POU6F2: variants seen among roughly 807,000 people sequenced by gnomAD.
POU6F2 encodes the protein POU domain, class 6, transcription factor 2.
A neutral mutation model predicts 71.3 loss-of-function variants in POU6F2; 31 were observed. The ratio of observed to expected loss-of-function variants is 0.43; its 90% CI spans 0.33 to 0.59. The LOEUF is 0.59. Ranked by LOEUF, POU6F2 falls within the 20% of genes least tolerant of loss-of-function variation. The pLI is 0.04. For missense variants in POU6F2, 783 were observed against 856.8 expected (o/e 0.91, Z 1.07); for synonymous variants, 347 against 355.7 (o/e 0.98, Z 0.27).
chr7:39,044,203 C>T (rs113295474), intron 1 of POU6F2, among the ~76,000 whole-genome samples: 4 of 151,836 alleles, frequency 2.6e-5, no homozygotes, highest in African/African-American at 4.8e-5. Context: ...TTTTAAAGAA[C>T]GTATGGGGTC....
intron 4 of POU6F2, among the ~76,000 whole-genome samples, chr7:39,271,785 C>T (rs1196619216): frequency 6.6e-6 from 1 of 152,124 alleles, no homozygotes; most frequent in Non-Finnish European, 1.5e-5. Flanking sequence ...ATGAGACATC[C>T]AGGAGCCGTT....
chr7:39,112,546 A>G (rs572050655), intron 2 of POU6F2, among the ~76,000 whole-genome samples: 3 of 152,290 alleles, frequency 2.0e-5, no homozygotes, highest in African/African-American at 7.2e-5. Context: ...TGCTGTTTAA[A>G]CTGAGTTGCC....
chr7:39,271,994 G>A (rs2128757097), intron 4 of POU6F2, among the ~76,000 whole-genome samples: 1 of 152,078 alleles, frequency 6.6e-6, no homozygotes, highest in African/African-American at 2.4e-5. Context: ...TGTGTGTGGG[G>A]GTGGGGGAGA....
intron 4 of POU6F2, among the ~76,000 whole-genome samples, chr7:39,242,715 C>T (rs1268812804): frequency 6.6e-6 from 1 of 152,086 alleles, no homozygotes; most frequent in Non-Finnish European, 1.5e-5. Flanking sequence ...AACAAATAGA[C>T]ACTGAACAGA....
intron 1 of POU6F2, among the ~76,000 whole-genome samples, chr7:39,047,843 A>C (rs2128713328): frequency 6.6e-6 from 1 of 152,090 alleles, no homozygotes; most frequent in Non-Finnish European, 1.5e-5. Context: ...GTGTTAAATC[A>C]ACTTTGTATT....
At chr7:39,457,659 C>T (rs1442818925) in intron 8 of POU6F2, among the ~76,000 whole-genome samples, 1 of 152,158 alleles carries the variant, frequency 6.6e-6, no homozygotes, top group Non-Finnish European at 1.5e-5. Context: ...CAGCAGATCC[C>T]CTGCATCAGA....
chr7:39,142,290 T>C (rs1318888251), intron 2 of POU6F2, among the ~76,000 whole-genome samples: 1 of 152,164 alleles, frequency 6.6e-6, no homozygotes, highest in African/African-American at 2.4e-5. Context: ...TGGTTATTGG[T>C]CTGCTCATTG....
intron 1 of POU6F2, among the ~76,000 whole-genome samples, chr7:39,055,732 A>C (rs1186037540): frequency 6.6e-6 from 1 of 152,132 alleles, no homozygotes; most frequent in Non-Finnish European, 1.5e-5. Flanking sequence ...GTAGAAGAAA[A>C]TACTGAAACT....
chr7:39,209,339 C>T (rs1313547991), intron 4 of POU6F2, among the ~76,000 whole-genome samples: 1 of 152,162 alleles, frequency 6.6e-6, no homozygotes, highest in Non-Finnish European at 1.5e-5. Context: ...TCCCTGGGCA[C>T]TTCTGACACA....
intron 5 of POU6F2, among the ~76,000 whole-genome samples, chr7:39,401,046 G>A (rs1018618525): frequency 1.3e-5 from 2 of 152,228 alleles, no homozygotes; most frequent in African/African-American, 4.8e-5. Flanking sequence ...AGGAAGAGGA[G>A]GGGCCAGGCT....
chr7:39,273,080 C>A (rs562970365), intron 4 of POU6F2, among the ~76,000 whole-genome samples: 80 of 152,090 alleles, frequency 5.3e-4, no homozygotes. Flanking sequence ...TTAGACAAGT[C>A]AAAGAGAAGA....
intron 2 of POU6F2, among the ~76,000 whole-genome samples, chr7:39,137,849 G>A (rs1477374872): frequency 6.6e-6 from 1 of 151,998 alleles, no homozygotes; most frequent in African/African-American, 2.4e-5. Context: ...AGCTTCTTGG[G>A]GGTGCAGGCC....
chr7:39,099,390 A>G (rs1791523453), intron 2 of POU6F2, among the ~76,000 whole-genome samples: 2 of 152,178 alleles, frequency 1.3e-5, no homozygotes, highest in South Asian at 4.1e-4. Flanking sequence ...CCTCCCTCCA[A>G]GGGAATTTGC....
At chr7:39,237,505 C>G (rs905658059) in intron 4 of POU6F2, among the ~76,000 whole-genome samples, 1 of 152,150 alleles carries the variant, frequency 6.6e-6, no homozygotes, top group Non-Finnish European at 1.5e-5. Flanking sequence ...CTAACAATTA[C>G]GTGTTCGCTG....
chr7:39,141,387 C>A (rs989856993), intron 2 of POU6F2, among the ~76,000 whole-genome samples: 5 of 152,156 alleles, frequency 3.3e-5, no homozygotes, highest in Non-Finnish European at 7.3e-5. Context: ...CTACCCTGTT[C>A]TTTGGAGTTT....
intron 5 of POU6F2, among the ~76,000 whole-genome samples, chr7:39,401,433 G>A (rs948032473): frequency 2.0e-5 from 3 of 152,156 alleles, no homozygotes; most frequent in Admixed American, 1.3e-4. Flanking sequence ...GACCCGGGGG[G>A]AAAATTTAGT....
At chr7:39,090,282 A>AT (rs1358803430) in intron 2 of POU6F2, among the ~76,000 whole-genome samples, 1 of 151,908 alleles carries the variant, frequency 6.6e-6, no homozygotes, top group African/African-American at 2.4e-5. Flanking sequence ...GCATTATAAG[A>AT]TTTTTTTCTT....
At chr7:39,367,661 T>C (rs1037168538) in intron 5 of POU6F2, among the ~76,000 whole-genome samples, 4 of 152,250 alleles carry the variant, frequency 2.6e-5, no homozygotes, top group African/African-American at 9.6e-5. Flanking sequence ...TACCTCGTTG[T>C]ATTGCACTTT....
chr7:39,373,337 A>G, intron 5 of POU6F2: 1 of 426,898 alleles, frequency 2.3e-6, no homozygotes. Flanking sequence ...TAAGTGCTAG[A>G]AGATCGACTG....
Sources: gnomAD v4.1 joint callset for allele counts (sites outside exome capture counted in the v4.1 genomes callset) on GRCh38, gnomAD v4.1.1 for gene constraint, MANE v1.5 for transcripts, NCBI Gene and HGNC (gene_info 2026-07-23, HGNC 2026-07-21) for gene names.